The following ZNF780A variants were observed in gnomAD, a reference collection of about 807,000 sequenced individuals.
The protein encoded by ZNF780A is zinc finger protein 780A.
A neutral mutation model predicts 56.7 loss-of-function variants in ZNF780A; 40 were observed. The observed-to-expected ratio is 0.71, with a 90% CI of 0.55 to 0.92. The LOEUF is 0.92. Ranked by LOEUF, ZNF780A falls within the 40% of genes least tolerant of loss-of-function variation. The probability of loss-of-function intolerance (pLI) is 0.00; values close to 1 mark genes in which losing one functional copy is unlikely to be tolerated. For missense variants in ZNF780A, 672 were observed against 783.3 expected (o/e 0.86, Z 1.70); for synonymous variants, 231 against 248.3 (o/e 0.93, Z 0.66).
intron 2 of ZNF780A, chr19:40,085,243 G>A: frequency 1.0e-6 from 1 of 985,458 alleles, no homozygotes; most frequent in East Asian, 1.1e-4. Flanking sequence ...TGCAGTGGGG[G>A]AAGGCATGAG....
chr19:40,083,367 C>T (rs1974595091), intron 3 of ZNF780A, 130 bp from the exon 4 acceptor site: 1 of 1,396,270 alleles, frequency 7.2e-7, no homozygotes, highest in Non-Finnish European at 9.6e-7. Flanking sequence ...GCACATTCTT[C>T]AAGAAGTCTC....
intron 2 of ZNF780A, among the ~76,000 whole-genome samples, chr19:40,086,571 C>T (rs1974806857): frequency 6.6e-6 from 1 of 150,986 alleles, no homozygotes; most frequent in South Asian, 2.1e-4. Context: ...GCTTGGTTCC[C>T]TTCTTCACCA....
intron 2 of ZNF780A, among the ~76,000 whole-genome samples, chr19:40,086,554 C>T (rs1032093603): frequency 1.3e-5 from 2 of 150,862 alleles, no homozygotes; most frequent in Non-Finnish European, 1.5e-5. Flanking sequence ...GAAATATACA[C>T]CACCATGCTT....
At chr19:40,069,258 G>A, downstream of ZNF780A, 1 of 157,088 alleles carries the variant, frequency 6.4e-6, no homozygotes. Context: ...ACTCATGGCA[G>A]ATGATGAAGG....
intron 2 of ZNF780A, among the ~76,000 whole-genome samples, chr19:40,087,707 CTTGAGCA>C (rs1464814398): frequency 6.6e-6 from 1 of 152,058 alleles, no homozygotes; most frequent in African/African-American, 2.4e-5. Flanking sequence ...CCAAAGCAAT[CTTGAGCA>C]AAAGGAACAA....
chr19:40,074,504 C>T lies in ZNF780A; in HGVS notation c.*12G>A, dbSNP rs779409065. ...TGAGACACGATTAAAGGACTTTCCA[C>T]ATTCCTTACATTCAAGATGCCTTCT... is the stretch of plus-strand genomic sequence containing the variant. On this transcript the variant is annotated 3_prime_UTR_variant, in exon 6 of 6. Coordinates refer to ENST00000683561, the MANE Select transcript of ZNF780A (RefSeq NM_001142578.2). The T allele has an allele frequency of 8.1e-6, 13 of 1,612,712 alleles. No individual in the cohort carries two copies. The East Asian group carries it at 2.5e-4, about 30-fold the overall frequency.
intron 2 of ZNF780A, among the ~76,000 whole-genome samples, chr19:40,089,829 T>C (rs142867121): frequency 6.6e-6 from 1 of 152,326 alleles, no homozygotes; most frequent in East Asian, 1.9e-4. Context: ...CCATCTCCAT[T>C]CTTCCCTGTT....
chr19:40,079,911 T>C (rs191188873), intron 5 of ZNF780A, among the ~76,000 whole-genome samples: 2 of 151,992 alleles, frequency 1.3e-5, no homozygotes, highest in African/African-American at 4.8e-5. Flanking sequence ...TCTAATGAAA[T>C]TAGGGCAGAA....
rs189101661 is a variant in ZNF780A at position 40,089,183 on chromosome 19, C to T, written c.-46+983G>A. ...TAGGAGGGTGGATATTAAGTGTTCTCACCACAAAAATGATAACTATGTGAG... is the reference window on the plus strand; with the variant it reads ...TAGGAGGGTGGATATTAAGTGTTCTTACCACAAAAATGATAACTATGTGAG... On this transcript the variant is annotated intron_variant, in intron 2 of 5. Coordinates refer to ENST00000683561, the MANE Select transcript of ZNF780A (RefSeq NM_001142578.2). 1.8e-3 allele frequency: 2,394 copies of T among 1,303,500 alleles called. 5 individuals carry two copies. The highest frequency in any genetic ancestry group is 2.3e-3 in the Non-Finnish European group (2,265 of 1,006,634). 80.7% of individuals were successfully genotyped at this position (1,303,500 alleles called of 1,614,324 possible).
Position 40,074,915 on chromosome 19 carries a change from A to C in ZNF780A, c.1527T>G (p.Ala509=), listed in dbSNP as rs1364525354. The change falls in exon 6 of 6, where the codon GCT becomes GCG. Residue 509 remains alanine, a synonymous_variant. Coordinates refer to ENST00000683561, the MANE Select transcript of ZNF780A (RefSeq NM_001142578.2). The part of the protein sequence containing the change: ...KPYECKECGK[A]FRLYLQLSQH... ...GGGAAAGTTGTAGGTAAAGTCTAAA[A>C]GCCTTCCCACACTCCTTACATTCAT... 1 of 1,611,290 alleles carries C rather than the reference A, an allele frequency of 6.2e-7. No individual in the cohort carries two copies. The highest frequency in any genetic ancestry group is 1.4e-5 in the African/African-American group (1 of 73,964).
At chr19:40,089,188 C>T (rs970839462) in intron 2 of ZNF780A, 6 of 1,313,742 alleles carry the variant, frequency 4.6e-6, no homozygotes, top group Non-Finnish European at 4.9e-6. Context: ...GTTCTCACCA[C>T]AAAAATGATA....
chr19:40,071,359 A>G (rs1973809786), downstream of ZNF780A: 1 of 152,186 alleles, frequency 6.6e-6, no homozygotes, highest in Non-Finnish European at 1.5e-5. Context: ...CATACCAGCC[A>G]TGATGTATAG....
rs116993189 is a variant in ZNF780A, at chr19:40,077,061, A to G, written c.233-852T>C. 8.8e-4 allele frequency among the ~76,000 whole-genome samples: 134 copies of G among 152,180 alleles called. 3 individuals carry two copies. The East Asian group carries it at 0.017, about 20-fold the overall frequency. On this transcript the variant is annotated intron_variant, in intron 5 of 5. Coordinates refer to ENST00000683561, the MANE Select transcript of ZNF780A (RefSeq NM_001142578.2). ...CCAGCATACCACTACCACTGCCAGC[A>G]CTATCCAAACTACGAGGAGGCCAAA...
intron 2 of ZNF780A, among the ~76,000 whole-genome samples, chr19:40,086,383 A>G (rs1044097854): frequency 3.9e-5 from 6 of 152,230 alleles, no homozygotes; most frequent in African/African-American, 1.2e-4. Flanking sequence ...ACGAGATTCA[A>G]CAAAAGAGGT....
Position 40,074,888 on chromosome 19 carries a change from T to C in ZNF780A, c.1554A>G (p.Gln518=). The change falls in exon 6 of 6, where the codon CAA becomes CAG. Residue 518 remains glutamine, a synonymous_variant. Coordinates refer to ENST00000683561, the MANE Select transcript of ZNF780A (RefSeq NM_001142578.2). ...TTTCACCTGTGTGAGTTTTCTGATG[T>C]TGGGAAAGTTGTAGGTAAAGTCTAA... ...KAFRLYLQLS[Q]HQKTHTGEKP... 7.4e-6 allele frequency: 12 copies of C among 1,613,898 alleles called. No individual in the cohort carries two copies. Among genetic ancestry groups the C allele is most frequent in the Non-Finnish European group, 1.0e-5 (12 of 1,179,948 alleles).
chr19:40,080,330 A>C (rs1278376538), intron 5 of ZNF780A, among the ~76,000 whole-genome samples: 2 of 152,182 alleles, frequency 1.3e-5, no homozygotes. Context: ...AAACCAGACA[A>C]GGAAGAAACA....
At position 40,076,111 on chromosome 19, in the gene ZNF780A, G is replaced by A. The variant is rs575901708; in HGVS notation, c.331C>T (p.Leu111Phe). ...KQVIKQISTT[L>F]GIEAFYFRND... ...CTAAAATAAAAGGCCTCAATGCCAA[G>A]AGTTGTACTTATTTGCTTTATAACC... is the stretch of plus-strand genomic sequence containing the variant. The change falls in exon 6 of 6, where the codon CTT (leucine) becomes TTT (phenylalanine). Residue 111 changes from leucine to phenylalanine, a missense_variant. Transcript: ENST00000683561. The A allele has an allele frequency of 3.7e-6, 6 of 1,613,152 alleles. No individual in the cohort carries two copies. Among genetic ancestry groups the A allele is most frequent in the Non-Finnish European group, 5.1e-6 (6 of 1,179,768 alleles).
In ZNF780A at chr19:40,074,346, A is replaced by C. The variant is rs1479672995; in HGVS notation, c.*170T>G. 1.3e-6 allele frequency: 2 copies of C among 1,527,042 alleles called. No homozygotes were observed. The highest frequency in any genetic ancestry group is 1.3e-5 in the South Asian group (1 of 74,390). 94.6% of individuals were successfully genotyped at this position (1,527,042 alleles called of 1,614,324 possible). A position where few individuals can be genotyped will look rare whatever the true frequency, so the allele number is the denominator to read the frequency against. On this transcript the variant is annotated 3_prime_UTR_variant, in exon 6 of 6. Transcript: ENST00000683561. Reference sequence around the variant, plus strand: ...CTAAAGGTCGTCCTCCACTCCTTGCATACAAAGAGTTTCTCACTGGAATGA... The same window carrying C: ...CTAAAGGTCGTCCTCCACTCCTTGCCTACAAAGAGTTTCTCACTGGAATGA...
Position 40,075,592 on chromosome 19 carries a change from T to G in ZNF780A, c.850A>C (p.Lys284Gln). 1 of 1,613,940 alleles carries G rather than the reference T, an allele frequency of 6.2e-7. No individual in the cohort carries two copies. The highest frequency in any genetic ancestry group is 1.7e-5 in the Admixed American group (1 of 59,996). ...AGGTGTGCACCACGATTAAAGCCTT[T>G]CCCACACTCCTTACATTCATATGGT... is the stretch of plus-strand genomic sequence containing the variant. ...VKPYECKECGKGFNRGAHLIQ... is the reference protein window; with the variant it reads ...VKPYECKECGQGFNRGAHLIQ... Residue 284 changes from lysine (K) to glutamine (Q), a missense_variant, in exon 6 of 6, where the codon AAA becomes CAA. Physicochemically the swap from Lys to Gln is moderately conservative, Grantham distance 53. Coordinates refer to ENST00000683561, the MANE Select transcript of ZNF780A (RefSeq NM_001142578.2).
Sources: allele counts gnomAD v4.1 joint callset (sites outside exome capture counted in the v4.1 genomes callset), GRCh38; gene constraint gnomAD v4.1.1; transcripts MANE v1.5; gene names NCBI Gene and HGNC (gene_info 2026-07-23, HGNC 2026-07-21).